Variants in HECTD4 observed in about 807,000 individuals in gnomAD.
HECTD4 encodes the protein HECT domain E3 ubiquitin protein ligase 4.
Under a neutral mutation model 471.5 loss-of-function variants are expected in HECTD4, and 114 were observed. That is an observed-to-expected ratio of 0.24 (90% CI 0.21 to 0.28). The LOEUF is 0.28. Among genes scored for constraint, HECTD4 ranks in the 10% least tolerant of loss-of-function variants. The probability of loss-of-function intolerance (pLI) is 1.00; values close to 1 mark genes in which losing one functional copy is unlikely to be tolerated. For synonymous variants in HECTD4, 2,012 were observed against 2,256.0 expected (o/e 0.89, Z 3.07); for missense variants, 3,866 against 5,651.5 (o/e 0.68, Z 10.13).
chr12:112,375,551 T>C (rs1214957936), intron 1 of HECTD4, among the ~76,000 whole-genome samples: 1 of 152,206 alleles, frequency 6.6e-6, no homozygotes, highest in Non-Finnish European at 1.5e-5. Context: ...GATGCCTGCT[T>C]GTTCCCAACC....
rs1202728883 is a variant in HECTD4, at chr12:112,161,360, T to A, written c.*1027A>T. 6.6e-6 allele frequency: 1 copy of A among 152,222 alleles called. No individual in the cohort carries two copies. Among genetic ancestry groups the A allele is most frequent in the Non-Finnish European group, 1.5e-5 (1 of 68,092 alleles). 9.4% of individuals were successfully genotyped at this position (152,222 alleles called of 1,614,324 possible). ...GGCCAGAGGGGCAGAAGGACCCCCC[T>A]GGAGTCTCCATCTGGACTTGAGTGT... On this transcript the variant is annotated 3_prime_UTR_variant, in exon 76 of 76. Coordinates refer to ENST00000682272, the MANE Select transcript of HECTD4 (RefSeq NM_001388303.1).
rs757118643 is a variant in HECTD4 at position 112,306,160 on chromosome 12, T to G, written c.1239A>C (p.Ser413=). Residue 413 remains serine, a synonymous_variant, in exon 7 of 76, where the codon TCA becomes TCC. Coordinates refer to ENST00000682272, the MANE Select transcript of HECTD4 (RefSeq NM_001388303.1). ...GSTMSTVHLS[S]DGTYFYWIWS... Reference sequence around the variant, plus strand: ...AGATCCAATAGAAGTAAGTGCCATCTGAAGACAGGTGCACAGTGCTCATGG... The same window carrying G: ...AGATCCAATAGAAGTAAGTGCCATCGGAAGACAGGTGCACAGTGCTCATGG... 13 of 1,613,018 alleles carry G rather than the reference T, an allele frequency of 8.1e-6. No homozygotes were observed. The highest frequency in any genetic ancestry group is 1.0e-5 in the Non-Finnish European group (12 of 1,179,648).
intron 1 of HECTD4, among the ~76,000 whole-genome samples, chr12:112,375,152 A>G (rs892719259): frequency 3.7e-4 from 56 of 152,178 alleles, no homozygotes; most frequent in African/African-American, 1.3e-3. Flanking sequence ...ATAGAAATGG[A>G]GTCTTACAGT....
intron 1 of HECTD4, among the ~76,000 whole-genome samples, chr12:112,355,459 T>C (rs1164814996): frequency 9.4e-6 from 1 of 106,804 alleles, no homozygotes; most frequent in Non-Finnish European, 1.9e-5. Context: ...AGAGACTCCG[T>C]CTCAAAAATA....
intron 29 of HECTD4, among the ~76,000 whole-genome samples, chr12:112,246,409 G>A (rs377624896): frequency 1.2e-4 from 18 of 151,658 alleles, no homozygotes; most frequent in African/African-American, 4.4e-4. Flanking sequence ...CAAGGTGGGC[G>A]GATCACCAGA....
In HECTD4 at chr12:112,270,272, A is replaced by G. The variant is rs368170972; in HGVS notation, c.2130T>C (p.Val710=). ...SICDIMEKAM[V]NGDTCIIRCI... ...AGCGTATAATACAGGTATCTCCATT[A>G]ACCATGGCCTTCTCCATAATGTCAC... The change falls in exon 12 of 76, where the codon GTT becomes GTC. Residue 710 remains valine (V), a synonymous_variant. Coordinates refer to ENST00000682272, the MANE Select transcript of HECTD4 (RefSeq NM_001388303.1). 6.2e-7 allele frequency: 1 copy of G among 1,614,050 alleles called. No homozygotes were observed. Among genetic ancestry groups the G allele is most frequent in the Non-Finnish European group, 8.5e-7 (1 of 1,179,888 alleles).
rs989715341 is a variant in HECTD4, at chr12:112,319,338, T to G, written c.582A>C (p.Gly194=). 6.5e-7 allele frequency: 1 copy of G among 1,535,986 alleles called. No individual in the cohort carries two copies. The highest frequency in any genetic ancestry group is 1.4e-5 in the African/African-American group (1 of 73,024). Residue 194 remains glycine, a synonymous_variant, in exon 2 of 76, where the codon GGA becomes GGC. Coordinates refer to ENST00000682272, the MANE Select transcript of HECTD4 (RefSeq NM_001388303.1). This position sits in a 1 kb window ranked among gnomAD's most constrained non-coding sequence, Gnocchi z 5.3. ...LTKEPADCLN[G]IETLLCSWLE... ...GCCAAGAGCACAGCAAAGTTTCAAT[T>G]CCATTGAGACAGTCAGCAGGCTCCT...
intron 1 of HECTD4, among the ~76,000 whole-genome samples, chr12:112,329,432 A>G (rs2035806574): frequency 6.7e-6 from 1 of 149,800 alleles, no homozygotes; most frequent in African/African-American, 2.5e-5. Flanking sequence ...CAGTGGTGCA[A>G]TCTCAGCTTA....
intron 1 of HECTD4, among the ~76,000 whole-genome samples, chr12:112,372,496 CGTGATCCGCCCACCTGACCTCGT>C (rs777538713): frequency 6.1e-4 from 55 of 90,694 alleles, no homozygotes; most frequent in South Asian, 2.9e-3. Flanking sequence ...CTCCTGACCT[CGTGATCCGCCCACCTGACCTCGT>C]GTGATCCGCC....
intron 7 of HECTD4, among the ~76,000 whole-genome samples, chr12:112,298,142 A>G (rs1013370564): frequency 6.6e-6 from 1 of 152,208 alleles, no homozygotes; most frequent in African/African-American, 2.4e-5. Context: ...CAATGAAAAT[A>G]AATGCCGTCA....
chr12:112,231,795 T>C, intron 38 of HECTD4, 80 bp from the exon 39 acceptor site: 1 of 1,183,652 alleles, frequency 8.4e-7, no homozygotes, highest in Admixed American at 2.3e-5. Context: ...TTCCCCTCAA[T>C]TACCAAAGCA....
intron 13 of HECTD4, among the ~76,000 whole-genome samples, chr12:112,268,715 C>T (rs1308412491): frequency 6.6e-6 from 1 of 150,556 alleles, no homozygotes; most frequent in African/African-American, 2.4e-5. Flanking sequence ...GAGATCACAC[C>T]ACTGCACTCG....
chr12:112,369,738 A>G (rs1350087475), intron 1 of HECTD4, among the ~76,000 whole-genome samples: 1 of 152,168 alleles, frequency 6.6e-6, no homozygotes, highest in Non-Finnish European at 1.5e-5. Flanking sequence ...ATAATTGGTA[A>G]TCACACAGGA....
At position 112,163,896 on chromosome 12, in the gene HECTD4, G is replaced by A. The variant is rs1480866239; in HGVS notation, c.12702-159C>T. Among the ~76,000 whole-genome samples the A allele has an allele frequency of 3.3e-5, 5 of 152,310 alleles. No homozygotes were observed. Among genetic ancestry groups the A allele is most frequent in the South Asian group, 4.1e-4 (2 of 4,830 alleles). On this transcript the variant is annotated intron_variant, in intron 73 of 75. Transcript: ENST00000682272. This position sits in a 1 kb window ranked among gnomAD's most constrained non-coding sequence, Gnocchi z 8.2. Reference sequence around the variant, plus strand: ...GTCCTTTCCTGCCTCTGGTGCCGCCGCCTCAGAGCTGCTGTTTTCTTAGTA... The same window carrying A: ...GTCCTTTCCTGCCTCTGGTGCCGCCACCTCAGAGCTGCTGTTTTCTTAGTA...
intron 1 of HECTD4, among the ~76,000 whole-genome samples, chr12:112,367,126 A>AC (rs1432626093): frequency 1.3e-4 from 19 of 151,234 alleles, no homozygotes; most frequent in African/African-American, 4.4e-4. Flanking sequence ...ACATGGTGAA[A>AC]CCCCATCTCC....
At chr12:112,199,814 C>A (rs2032363354) in intron 55 of HECTD4, among the ~76,000 whole-genome samples, 1 of 152,218 alleles carries the variant, frequency 6.6e-6, no homozygotes, top group South Asian at 2.1e-4. Context: ...ACCTGGACAT[C>A]TTCTTACCTT....
intron 1 of HECTD4, among the ~76,000 whole-genome samples, chr12:112,357,280 G>T (rs934878766): frequency 6.6e-6 from 1 of 152,206 alleles, no homozygotes; most frequent in Admixed American, 6.6e-5. Flanking sequence ...AAAAGTGGGG[G>T]TTGGGGGGAA....
Position 112,190,675 on chromosome 12 carries a change from G to T in HECTD4, c.9472+111C>A, listed in dbSNP as rs1406608621. 26 of 913,574 alleles carry T rather than the reference G, an allele frequency of 2.8e-5. No homozygotes were observed. In the Admixed American group the frequency reaches 7.9e-4, roughly 28 times the overall value. The allele number at this position is 913,574 out of a possible 1,614,324, so 56.6% of individuals were successfully genotyped here. A position where few individuals can be genotyped will look rare whatever the true frequency, so the allele number is the denominator to read the frequency against. ...CAGCAATCTGAAGGAGGCTGCAGCT[G>T]CCTGGGCTACCTGTGGCCACTCCCT... On this transcript the variant is annotated intron_variant, in intron 60 of 75. Coordinates refer to ENST00000682272, the MANE Select transcript of HECTD4 (RefSeq NM_001388303.1).
chr12:112,196,947 C>G (rs917698503), intron 55 of HECTD4, among the ~76,000 whole-genome samples: 1 of 152,114 alleles, frequency 6.6e-6, no homozygotes, highest in African/African-American at 2.4e-5. Context: ...AGGCGTGTGC[C>G]ACCATGCCTG....
Sources: allele counts gnomAD v4.1 joint callset (sites outside exome capture counted in the v4.1 genomes callset), GRCh38; gene constraint gnomAD v4.1.1; non-coding constraint Gnocchi (gnomAD v3.1); transcripts MANE v1.5; gene names NCBI Gene and HGNC (gene_info 2026-07-23, HGNC 2026-07-21).